Variants in CSMD2 observed in about 807,000 individuals in gnomAD.
CSMD2 encodes CUB and Sushi multiple domains 2, also known as CUB and sushi domain-containing protein 2.
In CSMD2, 130 loss-of-function variants were observed where a neutral mutation model predicts 398.5. The ratio of observed to expected loss-of-function variants is 0.33; its 90% CI spans 0.28 to 0.38. CSMD2 has a LOEUF of 0.38. Among genes scored for constraint, CSMD2 ranks in the 10% least tolerant of loss-of-function variants. The pLI is 1.00. For synonymous variants in CSMD2, 1,828 were observed against 1,908.5 expected, an observed-to-expected ratio of 0.96 and a Z score of 1.10; for missense variants, 3,829 against 4,764.9, an observed-to-expected ratio of 0.80 and a Z score of 5.78.
At chr1:33,790,406 C>A (rs186794773) in intron 11 of CSMD2, among the ~76,000 whole-genome samples, 7 of 152,304 alleles carry the variant, frequency 4.6e-5, no homozygotes, top group African/African-American at 1.7e-4. Context: ...GGACCCTCCC[C>A]TGAATAAGAG....
At chr1:33,871,677 C>T (rs1640476658) in intron 5 of CSMD2, among the ~76,000 whole-genome samples, 1 of 152,220 alleles carries the variant, frequency 6.6e-6, no homozygotes, top group East Asian at 1.9e-4. Context: ...AGTGTAGTAG[C>T]GTGATCTCGG....
intron 1 of CSMD2, among the ~76,000 whole-genome samples, chr1:34,137,967 G>C (rs1200989020): frequency 6.6e-6 from 1 of 152,170 alleles, no homozygotes. Context: ...CCAACAAGCT[G>C]CTATTAAGAG....
chr1:33,602,623 TC>T (rs952485671), intron 42 of CSMD2, 77 bp from the exon 43 acceptor site: 3 of 1,245,604 alleles, frequency 2.4e-6, no homozygotes, highest in Non-Finnish European at 2.2e-6. Flanking sequence ...CCTGAGGAAA[TC>T]CCAGCTCCCA....
At chr1:33,840,141 T>C (rs1343583039) in intron 6 of CSMD2, 1 of 152,194 alleles carries the variant, frequency 6.6e-6, no homozygotes, top group Non-Finnish European at 1.5e-5. Flanking sequence ...CATGTTCTAG[T>C]TCCCAGAATA....
At chr1:33,693,293 C>T (rs753504380) in intron 24 of CSMD2, among the ~76,000 whole-genome samples, 3 of 152,068 alleles carry the variant, frequency 2.0e-5, no homozygotes, top group Non-Finnish European at 4.4e-5. Context: ...GCAAAGGATT[C>T]GAATAAACAT....
At chr1:33,740,129 C>T (rs971048569) in intron 14 of CSMD2, among the ~76,000 whole-genome samples, 4 of 152,124 alleles carry the variant, frequency 2.6e-5, no homozygotes, top group East Asian at 1.9e-4. Flanking sequence ...TTGTTCGGTG[C>T]GGCACGTGAC....
At chr1:33,855,992 T>C (rs1639056696) in intron 5 of CSMD2, among the ~76,000 whole-genome samples, 1 of 152,238 alleles carries the variant, frequency 6.6e-6, no homozygotes, top group African/African-American at 2.4e-5. Context: ...TGCGTTCTAC[T>C]GTTTCCTAGT....
At chr1:34,165,599 A>AAC (rs113072230), upstream of CSMD2, 1,843 of 633,178 alleles carry the variant, frequency 2.9e-3, 2 homozygotes, top group African/African-American at 5.4e-3. Flanking sequence ...CACACACACA[A>AAC]ACACACACAC....
At chr1:34,054,632 C>T (rs948935786) in intron 2 of CSMD2, among the ~76,000 whole-genome samples, 6 of 152,042 alleles carry the variant, frequency 3.9e-5, no homozygotes, top group Non-Finnish European at 8.8e-5. Context: ...CCCAGCTACT[C>T]GGGAGGCTGA....
chr1:33,610,750 A>C (rs967311380), intron 41 of CSMD2, among the ~76,000 whole-genome samples: 1 of 152,170 alleles, frequency 6.6e-6, no homozygotes, highest in African/African-American at 2.4e-5. Context: ...AGTTTGGGAC[A>C]CCTGAGAAGG....
At chr1:33,585,158 T>C (rs1479276621) in intron 46 of CSMD2, among the ~76,000 whole-genome samples, 1 of 152,234 alleles carries the variant, frequency 6.6e-6, no homozygotes, top group Non-Finnish European at 1.5e-5. Context: ...GTAAGTATTC[T>C]TATCACTGCA....
chr1:33,929,004 C>T (rs549884579), intron 4 of CSMD2, among the ~76,000 whole-genome samples: 42 of 152,294 alleles, frequency 2.8e-4, no homozygotes, highest in African/African-American at 7.9e-4. Flanking sequence ...GCGTCTCAAA[C>T]GTTACCTGGA....
chr1:33,525,706 T>C (rs1300876423), intron 65 of CSMD2, among the ~76,000 whole-genome samples: 1 of 152,218 alleles, frequency 6.6e-6, no homozygotes, highest in Non-Finnish European at 1.5e-5. Context: ...TTCGTTGAGA[T>C]GGAGTTTTGC....
intron 1 of CSMD2, among the ~76,000 whole-genome samples, chr1:34,134,345 G>C (rs747195316): frequency 7.2e-5 from 11 of 152,134 alleles, no homozygotes; most frequent in Non-Finnish European, 1.3e-4. Flanking sequence ...TAAAGAGGCC[G>C]CAAATATCCC....
intron 5 of CSMD2, among the ~76,000 whole-genome samples, chr1:33,847,694 T>C (rs997946468): frequency 1.3e-5 from 2 of 152,180 alleles, no homozygotes; most frequent in Admixed American, 6.5e-5. Flanking sequence ...TTCCTTAAGA[T>C]AACTCCTCAA....
At chr1:33,616,326 C>T (rs1641384828) in intron 39 of CSMD2, among the ~76,000 whole-genome samples, 1 of 152,160 alleles carries the variant, frequency 6.6e-6, no homozygotes, top group South Asian at 2.1e-4. Context: ...CAACCTCCGC[C>T]TCCTGGGTTC....
chr1:33,640,307 A>C (rs771146545), intron 29 of CSMD2, among the ~76,000 whole-genome samples: 1 of 152,198 alleles, frequency 6.6e-6, no homozygotes, highest in East Asian at 1.9e-4. Flanking sequence ...GAATAGCACT[A>C]TTCTTTGAAT....
intron 13 of CSMD2, among the ~76,000 whole-genome samples, chr1:33,769,571 A>G (rs1229208470): frequency 6.6e-6 from 1 of 152,218 alleles, no homozygotes; most frequent in Non-Finnish European, 1.5e-5. Flanking sequence ...TACTACTGTG[A>G]GGGCAGCTCA....
chr1:33,729,499 C>T (rs1043292419), intron 15 of CSMD2, among the ~76,000 whole-genome samples: 7 of 134,854 alleles, frequency 5.2e-5, no homozygotes, highest in South Asian at 2.4e-4. Flanking sequence ...TATTATTATA[C>T]TTTAAGTTTT....
Sources: allele counts gnomAD v4.1 joint callset (sites outside exome capture counted in the v4.1 genomes callset), GRCh38; gene constraint gnomAD v4.1.1; transcripts MANE v1.5; gene names NCBI Gene and HGNC (gene_info 2026-07-23, HGNC 2026-07-21).